HTR5A: variants seen among roughly 807,000 people sequenced by gnomAD.
HTR5A encodes 5-hydroxytryptamine receptor 5A, also known as 5-HT-5.
In HTR5A, 21 loss-of-function variants were observed where a neutral mutation model predicts 24.3. That is an observed-to-expected ratio of 0.86 (90% CI 0.61 to 1.24). The LOEUF (loss-of-function observed/expected upper bound fraction) is 1.24. Among genes scored for constraint, HTR5A ranks in the 50% most tolerant of loss-of-function variants. The probability of loss-of-function intolerance (pLI) is 0.00; values close to 1 mark genes in which losing one functional copy is unlikely to be tolerated. For missense variants in HTR5A, 497 were observed against 489.5 expected (o/e 1.02, Z -0.15); for synonymous variants, 260 against 213.7 (o/e 1.22, Z -1.89).
At chr7:155,073,836 C>CACAA (rs1563419353) in intron 1 of HTR5A, among the ~76,000 whole-genome samples, 1 of 131,356 alleles carries the variant, frequency 7.6e-6, no homozygotes, top group Non-Finnish European at 1.6e-5. Flanking sequence ...TAGATACACA[C>CACAA]ACACATATAT....
intron 1 of HTR5A, among the ~76,000 whole-genome samples, chr7:155,071,948 A>C (rs994754219): frequency 1.3e-5 from 2 of 152,138 alleles, no homozygotes; most frequent in Non-Finnish European, 2.9e-5. Flanking sequence ...TGGATCTATA[A>C]CACCCTTTAG....
chr7:155,076,054 G>A (rs1032111846), intron 1 of HTR5A, among the ~76,000 whole-genome samples: 1 of 152,180 alleles, frequency 6.6e-6, no homozygotes, highest in African/African-American at 2.4e-5. Flanking sequence ...GACACTTAAC[G>A]TCAGCATAGG....
At position 155,084,865 on chromosome 7, in the gene HTR5A, G is replaced by A. The variant is rs1376643129; in HGVS notation, c.*378G>A. ...GGGCAGGTTGAGATTGAATAGAAAA[G>A]AATGAACAAGTCATGATGTAGACCT... On this transcript the variant is annotated 3_prime_UTR_variant, in exon 2 of 2. Transcript: ENST00000287907. 2 of 200,700 alleles carry A rather than the reference G, an allele frequency of 1.0e-5. No homozygotes were observed. The highest frequency in any genetic ancestry group is 4.7e-5 in the African/African-American group (2 of 42,406). The allele number at this position is 200,700 out of a possible 1,614,324, so 12.4% of individuals were successfully genotyped here. A position where few individuals can be genotyped will look rare whatever the true frequency, so the allele number is the denominator to read the frequency against.
intron 1 of HTR5A, among the ~76,000 whole-genome samples, chr7:155,081,739 G>A (rs892075032): frequency 2.6e-5 from 4 of 152,170 alleles, no homozygotes; most frequent in African/African-American, 7.2e-5. Context: ...GGGCCATAGA[G>A]TAAGAAAACA....
Position 155,079,945 on chromosome 7 carries a change from A to C in HTR5A, c.742-4210A>C, listed in dbSNP as rs996037468. On this transcript the variant is annotated intron_variant, in intron 1 of 1. Transcript: ENST00000287907. Reference sequence around the variant, plus strand: ...CGAGCTTTGTAGGGGACCCCAAGCAAAGTTTGATCAATTGCTTTTTCATAA... The same window carrying C: ...CGAGCTTTGTAGGGGACCCCAAGCACAGTTTGATCAATTGCTTTTTCATAA... Among the ~76,000 whole-genome samples, 127 of 152,234 alleles carry C rather than the reference A, an allele frequency of 8.3e-4. 1 individual carries two copies. The highest frequency in any genetic ancestry group is 2.8e-3 in the African/African-American group (117 of 41,462).
chr7:155,071,764 G>A, intron 1 of HTR5A, 124 bp downstream of exon 1: 3 of 943,112 alleles, frequency 3.2e-6, no homozygotes, highest in Non-Finnish European at 4.7e-6. Context: ...AGTGGGGGGA[G>A]TAAACTGGGA....
intron 1 of HTR5A, among the ~76,000 whole-genome samples, chr7:155,077,991 T>C (rs1795376413): frequency 6.6e-6 from 1 of 152,136 alleles, no homozygotes; most frequent in South Asian, 2.1e-4. Context: ...GACAAAGAAA[T>C]TGTTGAGTGA....
chr7:155,079,117 G>A (rs1795389294), intron 1 of HTR5A, among the ~76,000 whole-genome samples: 1 of 151,890 alleles, frequency 6.6e-6, no homozygotes, highest in Admixed American at 6.6e-5. Flanking sequence ...ACCACACCTG[G>A]CTAATTTTTA....
chr7:155,083,701 G>A (rs1795443832), intron 1 of HTR5A, among the ~76,000 whole-genome samples: 1 of 152,220 alleles, frequency 6.6e-6, no homozygotes, highest in South Asian at 2.1e-4. Context: ...CTTTATGCCA[G>A]AGGAAAAGTT....
chr7:155,078,798 TTAAC>T (rs1167423861), intron 1 of HTR5A, among the ~76,000 whole-genome samples: 3 of 151,426 alleles, frequency 2.0e-5, no homozygotes, highest in African/African-American at 7.3e-5. Flanking sequence ...TTTAGTTAAT[TTAAC>T]TAATTAGTAC....
intron 1 of HTR5A, among the ~76,000 whole-genome samples, chr7:155,073,982 C>CT (rs1795333412): frequency 6.7e-6 from 1 of 150,106 alleles, no homozygotes; most frequent in Admixed American, 6.6e-5. Flanking sequence ...GGCCCCTTGG[C>CT]TTAGCAAAAG....
At chr7:155,076,360 G>A (rs958083013) in intron 1 of HTR5A, among the ~76,000 whole-genome samples, 2 of 151,016 alleles carry the variant, frequency 1.3e-5, no homozygotes, top group African/African-American at 4.8e-5. Flanking sequence ...TATTCTGGAG[G>A]TATACTAATT....
Position 155,070,892 on chromosome 7 carries a change from A to C in HTR5A, c.-8A>C. ...GCAAGTACCCCAGGGCGGTCTCCTG[A>C]CCCAGAGATGGATTTACCTGTGAAC... On this transcript the variant is annotated 5_prime_UTR_variant, in exon 1 of 2. An upstream open reading frame in the 5' UTR loses its in-frame stop. Transcript: ENST00000287907. 6.3e-7 allele frequency: 1 copy of C among 1,593,074 alleles called. No individual in the cohort carries two copies. Among genetic ancestry groups the C allele is most frequent in the Non-Finnish European group, 8.5e-7 (1 of 1,174,134 alleles).
chr7:155,076,189 G>A (rs1401870982), intron 1 of HTR5A, among the ~76,000 whole-genome samples: 1 of 152,182 alleles, frequency 6.6e-6, no homozygotes, highest in East Asian at 1.9e-4. Context: ...CGAGGTTCTT[G>A]GTTTAATGGC....
rs1194819236 is a variant in HTR5A at position 155,084,449 on chromosome 7, A to C, written c.1036A>C (p.Asn346His). The stretch of plus-strand genomic sequence containing the variant: ...CTATACGGCTTTCAACAAGAACTAC[A>C]ACAGCGCCTTCAAGAACTTCTTTTC... ...LIYTAFNKNY[N>H]SAFKNFFSRQ... The change falls in exon 2 of 2, where the codon AAC becomes CAC. Residue 346 changes from asparagine to histidine, a missense_variant. Physicochemically the swap from Asn to His is moderately conservative, Grantham distance 68. Coordinates refer to ENST00000287907, the MANE Select transcript of HTR5A (RefSeq NM_024012.4). 1.2e-6 allele frequency: 2 copies of C among 1,613,402 alleles called. No individual in the cohort carries two copies. The highest frequency in any genetic ancestry group is 2.7e-5 in the African/African-American group (2 of 74,870).
chr7:155,071,908 T>G (rs1161522454), intron 1 of HTR5A, among the ~76,000 whole-genome samples: 1 of 152,212 alleles, frequency 6.6e-6, no homozygotes, highest in Non-Finnish European at 1.5e-5. Flanking sequence ...TGCGTCATTC[T>G]GCAGGGTCCC....
At position 155,071,633 on chromosome 7, in the gene HTR5A, C is replaced by A. The variant is rs759280641; in HGVS notation, c.734C>A (p.Ala245Asp). The A allele has an allele frequency of 1.2e-6, 2 of 1,613,456 alleles. No individual in the cohort carries two copies. Among genetic ancestry groups the A allele is most frequent in the East Asian group, 4.5e-5 (2 of 44,882 alleles). Reference sequence around the variant, plus strand: ...AATAGCGTCTCACCCATATCCGAAGCTGTGGAGGTGGGTATCTCAGCAATC... The same window carrying A: ...AATAGCGTCTCACCCATATCCGAAGATGTGGAGGTGGGTATCTCAGCAATC... Reference protein sequence around the residue: ...KTNSVSPISEAVEVKDSAKQP... With the variant: ...KTNSVSPISEDVEVKDSAKQP... Residue 245 changes from alanine (A) to aspartate (D), a missense_variant, in exon 1 of 2, where the codon GCT becomes GAT. Ala to Asp is a moderately radical substitution (Grantham distance 126). Coordinates refer to ENST00000287907, the MANE Select transcript of HTR5A (RefSeq NM_024012.4).
chr7:155,076,390 G>A (rs1298985428), intron 1 of HTR5A, among the ~76,000 whole-genome samples: 1 of 151,318 alleles, frequency 6.6e-6, no homozygotes, highest in Non-Finnish European at 1.5e-5. Flanking sequence ...CATACATTCT[G>A]TTTCATTTTT....
At chr7:155,078,072 G>A (rs780207718) in intron 1 of HTR5A, among the ~76,000 whole-genome samples, 5 of 152,128 alleles carry the variant, frequency 3.3e-5, no homozygotes, top group Non-Finnish European at 4.4e-5. Flanking sequence ...TGGCCAACAC[G>A]AGATGTTCAT....
Sources: gnomAD v4.1 joint callset for allele counts (sites outside exome capture counted in the v4.1 genomes callset) on GRCh38, gnomAD v4.1.1 for gene constraint, MANE v1.5 for transcripts, NCBI Gene and HGNC (gene_info 2026-07-23, HGNC 2026-07-21) for gene names.